Variants in CDH11 observed in about 807,000 individuals in gnomAD.
The protein encoded by CDH11 is cadherin 11.
CDH11 carries 11 observed loss-of-function variants against 67.8 expected under a neutral mutation model. The ratio of observed to expected loss-of-function variants is 0.16; its 90% CI spans 0.10 to 0.27. The LOEUF (loss-of-function observed/expected upper bound fraction) is 0.27, where lower values mean the gene tolerates loss of function less well. Among genes scored for constraint, CDH11 ranks in the 10% least tolerant of loss-of-function variants. CDH11 has a pLI of 1.00. For missense variants in CDH11, 847 were observed against 1,031.2 expected, an observed-to-expected ratio of 0.82 and a Z score of 2.45; for synonymous variants, 419 against 400.0, an observed-to-expected ratio of 1.05 and a Z score of -0.57.
At chr16:65,110,339 C>T (rs1361710367) in intron 1 of CDH11, among the ~76,000 whole-genome samples, 1 of 151,986 alleles carries the variant, frequency 6.6e-6, no homozygotes, top group Non-Finnish European at 1.5e-5. Context: ...GAAATGAAAA[C>T]TTTTGGGTTT....
At chr16:65,091,473 A>G (rs1320084910) in intron 1 of CDH11, among the ~76,000 whole-genome samples, 1 of 151,874 alleles carries the variant, frequency 6.6e-6, no homozygotes, top group African/African-American at 2.4e-5. Context: ...TGAATCCCAC[A>G]TATGTCTTCT....
intron 1 of CDH11, among the ~76,000 whole-genome samples, chr16:65,113,287 G>GAAAAAAAACAAAAAAA (rs2075191656): frequency 7.7e-6 from 1 of 129,034 alleles, no homozygotes; most frequent in African/African-American, 3.0e-5. Flanking sequence ...TTCCATCTCA[G>GAAAAAAAACAAAAAAA]AAAAAAAAAA....
intron 7 of CDH11, chr16:64,982,580 CA>C (rs2072382677): frequency 3.3e-6 from 1 of 300,894 alleles, no homozygotes; most frequent in Admixed American, 4.8e-5. Flanking sequence ...TAATGTTGCC[CA>C]AATAAGTCAC....
intron 11 of CDH11, among the ~76,000 whole-genome samples, chr16:64,955,653 G>C (rs1462913279): frequency 1.3e-5 from 2 of 152,126 alleles, no homozygotes; most frequent in Non-Finnish European, 2.9e-5. Flanking sequence ...ACTGACACCA[G>C]AGGATTGCTT....
chr16:65,117,742 C>G (rs554854607), intron 1 of CDH11, among the ~76,000 whole-genome samples: 6 of 152,300 alleles, frequency 3.9e-5, no homozygotes, highest in African/African-American at 1.2e-4. Flanking sequence ...AATGGTGTCA[C>G]GGTAGTCTCA....
chr16:64,977,195 G>A (rs193042326), intron 8 of CDH11, among the ~76,000 whole-genome samples: 10 of 152,234 alleles, frequency 6.6e-5, no homozygotes, highest in Admixed American at 3.9e-4. Context: ...GTGAGACCCT[G>A]TCTCAAAAAC....
chr16:64,989,263 T>A (rs1311625391), intron 6 of CDH11, among the ~76,000 whole-genome samples: 1 of 151,716 alleles, frequency 6.6e-6, no homozygotes, highest in South Asian at 2.1e-4. Context: ...CCATGAGTGA[T>A]TGTGTGGGCA....
intron 2 of CDH11, among the ~76,000 whole-genome samples, chr16:65,032,444 T>C (rs6498969): frequency 0.91 from 137,568 of 151,930 alleles, 62,329 homozygotes; most frequent in East Asian, 1. Flanking sequence ...GAGCCAACAT[T>C]GCGCCACTAC....
intron 1 of CDH11, among the ~76,000 whole-genome samples, chr16:65,115,293 G>A (rs1368743447): frequency 6.6e-6 from 1 of 152,060 alleles, no homozygotes; most frequent in Non-Finnish European, 1.5e-5. Flanking sequence ...AGTGGAAGAG[G>A]GATGGATCAC....
chr16:65,063,206 G>GT (rs1597148913), intron 1 of CDH11, among the ~76,000 whole-genome samples: 2 of 152,160 alleles, frequency 1.3e-5, no homozygotes, highest in East Asian at 3.8e-4. Flanking sequence ...TGCTTTAGAT[G>GT]TAAATGTGAC....
chr16:64,984,114 C>A (rs2072424019), intron 7 of CDH11, among the ~76,000 whole-genome samples: 1 of 152,182 alleles, frequency 6.6e-6, no homozygotes, highest in Admixed American at 6.5e-5. Context: ...GATTCCAAGT[C>A]TGGTAGTCAG....
chr16:65,119,738 G>T (rs1597218346), intron 1 of CDH11, among the ~76,000 whole-genome samples: 1 of 152,152 alleles, frequency 6.6e-6, no homozygotes, highest in East Asian at 1.9e-4. Context: ...CAACTAAAAT[G>T]ATAGTAATAA....
intron 1 of CDH11, among the ~76,000 whole-genome samples, chr16:65,118,598 C>T (rs2142899589): frequency 6.6e-6 from 1 of 152,224 alleles, no homozygotes; most frequent in South Asian, 2.1e-4. Context: ...GAAACAGCAG[C>T]CAATTCCATA....
chr16:65,069,271 G>A (rs1036473090), intron 1 of CDH11, among the ~76,000 whole-genome samples: 1 of 152,168 alleles, frequency 6.6e-6, no homozygotes, highest in African/African-American at 2.4e-5. Context: ...GGTTCATTAT[G>A]ACGTCAAATC....
chr16:65,122,713 G>A (rs2075355640), upstream of CDH11, among the ~76,000 whole-genome samples: 1 of 152,064 alleles, frequency 6.6e-6, no homozygotes, highest in Non-Finnish European at 1.5e-5. Context: ...GGGCGGGGAG[G>A]GAGACTTAGG....
intron 6 of CDH11, among the ~76,000 whole-genome samples, chr16:64,988,928 C>T (rs2072561625): frequency 6.6e-6 from 1 of 152,112 alleles, no homozygotes; most frequent in African/African-American, 2.4e-5. Flanking sequence ...CTCCAGAAGG[C>T]TTTCCTGCAG....
At chr16:65,117,611 A>G (rs1384834399) in intron 1 of CDH11, among the ~76,000 whole-genome samples, 1 of 152,198 alleles carries the variant, frequency 6.6e-6, no homozygotes, top group East Asian at 1.9e-4. Flanking sequence ...AAACAGTAAA[A>G]CATTTACTGC....
At position 64,944,398 on chromosome 16, in the gene CDH11, A is replaced by G. The variant is rs40327; in HGVS notation, c.*3205T>C. On this transcript the variant is annotated 3_prime_UTR_variant, in exon 13 of 13. Transcript: ENST00000268603. Reference sequence around the variant, plus strand: ...ATTTCAGGCCCTCATTCTATCTCATATTGACCTTTGCAAAAGCCCTCCTGG... The same window carrying G: ...ATTTCAGGCCCTCATTCTATCTCATGTTGACCTTTGCAAAAGCCCTCCTGG... 4.3e-6 allele frequency: 1 copy of G among 232,362 alleles called. No homozygotes were observed. The highest frequency in any genetic ancestry group is 2.2e-5 in the African/African-American group (1 of 45,190). 14.4% of individuals were successfully genotyped at this position (232,362 alleles called of 1,614,324 possible).
chr16:64,994,079 T>C lies in CDH11; in HGVS notation c.524-1045A>G, dbSNP rs186945672. Among the ~76,000 whole-genome samples the C allele has an allele frequency of 4.4e-3, 665 of 152,334 alleles. 3 individuals are homozygous for C. Among genetic ancestry groups the C allele is most frequent in the African/African-American group, 0.015 (625 of 41,586 alleles). ...TTTTCAGCAGAGGGGCAAGGTTCTA[T>C]GTGGGAGGCAAGGGAGCCAGTTTAC... On this transcript the variant is annotated intron_variant, in intron 4 of 12. Transcript: ENST00000268603.
Sources: gnomAD v4.1 joint callset for allele counts (sites outside exome capture counted in the v4.1 genomes callset) on GRCh38, gnomAD v4.1.1 for gene constraint, MANE v1.5 for transcripts, NCBI Gene and HGNC (gene_info 2026-07-23, HGNC 2026-07-21) for gene names.